Variants in TMEM117 observed in about 807,000 individuals in gnomAD.
TMEM117 encodes the protein transmembrane protein 117.
TMEM117 carries 27 observed loss-of-function variants against 52.4 expected under a neutral mutation model. That is an observed-to-expected ratio of 0.51 (90% CI 0.38 to 0.71). The LOEUF is 0.71. TMEM117 is among the 30% of genes least tolerant of loss of function. The probability of loss-of-function intolerance (pLI) is 0.00; values close to 1 mark genes in which losing one functional copy is unlikely to be tolerated. For missense variants in TMEM117, 556 were observed against 630.5 expected, an observed-to-expected ratio of 0.88 and a Z score of 1.26; for synonymous variants, 215 against 206.3, an observed-to-expected ratio of 1.04 and a Z score of -0.36.
chr12:44,180,195 A>T (rs981800631), intron 4 of TMEM117, among the ~76,000 whole-genome samples: 4 of 152,090 alleles, frequency 2.6e-5, no homozygotes, highest in African/African-American at 9.7e-5. Context: ...TATGGTAGAC[A>T]GTGTATCGCT....
At chr12:44,021,927 C>G (rs1946461968) in intron 3 of TMEM117, among the ~76,000 whole-genome samples, 2 of 152,152 alleles carry the variant, frequency 1.3e-5, no homozygotes, top group South Asian at 4.1e-4. Context: ...TGGGGTCTTG[C>G]CTTTTCTGTG....
chr12:44,222,710 C>G (rs1427459149), intron 5 of TMEM117, among the ~76,000 whole-genome samples: 4 of 152,268 alleles, frequency 2.6e-5, no homozygotes, highest in Non-Finnish European at 2.9e-5. Context: ...TGCCTATTCT[C>G]TCCACCTCTG....
chr12:44,170,023 A>G (rs896069492), intron 4 of TMEM117, among the ~76,000 whole-genome samples: 9 of 152,178 alleles, frequency 5.9e-5, no homozygotes, highest in Non-Finnish European at 1.2e-4. Flanking sequence ...TATTCACAAT[A>G]GCAAAGACTT....
In TMEM117 at chr12:44,108,309, T is replaced by C. The variant is rs541248656; in HGVS notation, c.411-35216T>C. 2.0e-4 allele frequency among the ~76,000 whole-genome samples: 28 copies of C among 138,476 alleles called. No homozygotes were observed. The East Asian group carries it at 3.0e-3, about 15-fold the overall frequency. 90.8% of individuals were successfully genotyped at this position (138,476 alleles called of 152,430 possible). A position where few individuals can be genotyped will look rare whatever the true frequency, so the allele number is the denominator to read the frequency against. On this transcript the variant is annotated intron_variant, in intron 3 of 7. Coordinates refer to ENST00000266534, the MANE Select transcript of TMEM117 (RefSeq NM_032256.3). ...CATGCTGGTGCGCTGCACCCACTAA[T>C]GTGTCATCTAGCATTAGGTATATCT...
At chr12:44,101,234 A>T (rs1283935719) in intron 3 of TMEM117, among the ~76,000 whole-genome samples, 1 of 150,696 alleles carries the variant, frequency 6.6e-6, no homozygotes, top group Non-Finnish European at 1.5e-5. Flanking sequence ...TACGCTTAAT[A>T]CATATGTTCA....
chr12:43,867,297 A>G (rs1943619521), intron 2 of TMEM117, among the ~76,000 whole-genome samples: 1 of 152,188 alleles, frequency 6.6e-6, no homozygotes, highest in Non-Finnish European at 1.5e-5. Context: ...TTAAAAAGGC[A>G]TGTTTCAATC....
intron 3 of TMEM117, among the ~76,000 whole-genome samples, chr12:44,133,019 C>G (rs780336526): frequency 4.6e-5 from 7 of 152,168 alleles, no homozygotes; most frequent in Non-Finnish European, 8.8e-5. Context: ...AGTGAGTTTT[C>G]CATAATATCT....
intron 3 of TMEM117, among the ~76,000 whole-genome samples, chr12:44,098,272 A>G (rs1236872203): frequency 6.6e-6 from 1 of 152,066 alleles, no homozygotes; most frequent in South Asian, 2.1e-4. Flanking sequence ...CATAGAGGTC[A>G]GTGATGGCAT....
intron 2 of TMEM117, among the ~76,000 whole-genome samples, chr12:43,863,279 C>CAAAA (rs772583674): frequency 1.3e-3 from 175 of 130,948 alleles, no homozygotes; most frequent in African/African-American, 2.3e-3. Context: ...AACAAACAAA[C>CAAAA]AAACAAAACT....
In TMEM117 at chr12:44,242,073, A is replaced by G. The variant is rs1056422504; in HGVS notation, c.608+30686A>G. Among the ~76,000 whole-genome samples, 11 of 151,276 alleles carry G rather than the reference A, an allele frequency of 7.3e-5. No homozygotes were observed. The East Asian group carries it at 2.1e-3, about 29-fold the overall frequency. ...GGAGTTCAGAAATCTCTTTGTGAAT[A>G]TTTAACATTCTCCTCAAGTCTCATC... On this transcript the variant is annotated intron_variant, in intron 5 of 7. Transcript: ENST00000266534.
At chr12:43,856,806 C>T (rs766098904) in intron 2 of TMEM117, among the ~76,000 whole-genome samples, 3 of 150,888 alleles carry the variant, frequency 2.0e-5, no homozygotes, top group East Asian at 1.9e-4. Context: ...AATCTATGAA[C>T]ACTCATGAAA....
At chr12:43,879,267 A>G (rs912973875) in intron 2 of TMEM117, among the ~76,000 whole-genome samples, 1 of 152,236 alleles carries the variant, frequency 6.6e-6, no homozygotes, top group Non-Finnish European at 1.5e-5. Flanking sequence ...CTAAAACTTT[A>G]TCATCAAAAC....
chr12:43,884,010 G>A (rs1194670674), intron 2 of TMEM117, among the ~76,000 whole-genome samples: 2 of 151,790 alleles, frequency 1.3e-5, no homozygotes, highest in East Asian at 1.9e-4. Flanking sequence ...GATGGCTCAC[G>A]CCTGTAGTCC....
At chr12:44,137,863 T>C (rs1948515023) in intron 3 of TMEM117, among the ~76,000 whole-genome samples, 1 of 152,094 alleles carries the variant, frequency 6.6e-6, no homozygotes, top group Non-Finnish European at 1.5e-5. Context: ...AGCCAAACCA[T>C]ATCACATGCT....
At chr12:44,192,915 T>G (rs920810696) in intron 4 of TMEM117, among the ~76,000 whole-genome samples, 2 of 152,128 alleles carry the variant, frequency 1.3e-5, no homozygotes, top group African/African-American at 4.8e-5. Flanking sequence ...ATATTGTAGG[T>G]CCTAAAAGGT....
At chr12:44,280,404 A>G (rs1345580024) in intron 5 of TMEM117, among the ~76,000 whole-genome samples, 1 of 152,188 alleles carries the variant, frequency 6.6e-6, no homozygotes, top group Non-Finnish European at 1.5e-5. Context: ...CCCACCCGCT[A>G]CAATTTCAGC....
At chr12:44,226,135 TC>T (rs1949857659) in intron 5 of TMEM117, among the ~76,000 whole-genome samples, 2 of 152,166 alleles carry the variant, frequency 1.3e-5, no homozygotes, top group South Asian at 4.1e-4. Context: ...GAAAACATTT[TC>T]CCCCTTTGGG....
chr12:44,056,379 T>G (rs927442940), intron 3 of TMEM117, among the ~76,000 whole-genome samples: 1 of 152,216 alleles, frequency 6.6e-6, no homozygotes, highest in African/African-American at 2.4e-5. Context: ...AACTACTTGT[T>G]TATATTATGT....
chr12:43,803,588 CTAGT>C, the TMEM117 span, among the ~76,000 whole-genome samples: 1 of 152,026 alleles, frequency 6.6e-6, no homozygotes, highest in Admixed American at 6.5e-5. Context: ...CGTAGAGATG[CTAGT>C]TAGATTAACT....
Sources: gnomAD v4.1 joint callset for allele counts (sites outside exome capture counted in the v4.1 genomes callset) on GRCh38, gnomAD v4.1.1 for gene constraint, MANE v1.5 for transcripts, NCBI Gene and HGNC (gene_info 2026-07-23, HGNC 2026-07-21) for gene names.